POU6F2: variants seen among roughly 807,000 people sequenced by gnomAD.
The protein encoded by POU6F2 is POU domain, class 6, transcription factor 2.
Under a neutral mutation model 71.3 loss-of-function variants are expected in POU6F2, and 31 were observed. That is an observed-to-expected ratio of 0.43 (90% CI 0.33 to 0.59). The LOEUF is 0.59. Ranked by LOEUF, POU6F2 falls within the 20% of genes least tolerant of loss-of-function variation. The pLI, the probability that POU6F2 is intolerant of heterozygous loss-of-function variation, is 0.04. For synonymous variants in POU6F2, 347 were observed against 355.7 expected (o/e 0.98, Z 0.27); for missense variants, 783 against 856.8 (o/e 0.91, Z 1.07).
rs1254604846 is a variant in POU6F2, at chr7:39,467,599, CTTG to C, written c.*2916_*2918del. ...ATGACAGTGGATATTACATTTTACA[CTTG>C]TTTATAGATTTTCTTTCTTTTTCAA... On this transcript the variant is annotated 3_prime_UTR_variant, in exon 10 of 10. Transcript: ENST00000518318. The C allele has an allele frequency of 1.3e-5, 2 of 152,186 alleles. No individual in the cohort carries two copies. The highest frequency in any genetic ancestry group is 4.8e-5 in the African/African-American group (2 of 41,448). The allele number at this position is 152,186 out of a possible 1,614,324, so 9.4% of individuals were successfully genotyped here.
chr7:39,152,859 C>A (rs1472034974), intron 2 of POU6F2, among the ~76,000 whole-genome samples: 1 of 152,178 alleles, frequency 6.6e-6, no homozygotes, highest in Non-Finnish European at 1.5e-5. Flanking sequence ...GGAAAGCTGA[C>A]AACTTGATAA....
intron 2 of POU6F2, among the ~76,000 whole-genome samples, chr7:39,191,225 G>A (rs375763158): frequency 1.3e-5 from 2 of 152,290 alleles, no homozygotes; most frequent in African/African-American, 4.8e-5. Context: ...TTAGCGGCAT[G>A]TCATGGTTTA....
At chr7:39,001,541 G>A (rs73369773) in intron 1 of POU6F2, among the ~76,000 whole-genome samples, 3,538 of 152,254 alleles carry the variant, frequency 0.023, 145 homozygotes, top group African/African-American at 0.082. Flanking sequence ...TATGATTGAG[G>A]ATGGGAAATC....
chr7:39,460,790 T>C lies in POU6F2; in HGVS notation c.1658+75T>C. On this transcript the variant is annotated intron_variant, in intron 9 of 9. Transcript: ENST00000518318. The surrounding 1 kb of genome is among the most constrained non-coding windows in gnomAD (Gnocchi z 4.4). ...TTTGTCCTCGCGGTTCAGCTTTTCT[T>C]CGTCGGGTGGGCAAAGCTGGAGGGG... The C allele has an allele frequency of 7.0e-7, 1 of 1,428,062 alleles. No individual in the cohort carries two copies. Among genetic ancestry groups the C allele is most frequent in the South Asian group, 1.6e-5 (1 of 63,432 alleles). The allele number at this position is 1,428,062 out of a possible 1,614,324, so 88.5% of individuals were successfully genotyped here.
intron 6 of POU6F2, among the ~76,000 whole-genome samples, chr7:39,411,663 T>A (rs554444795): frequency 6.6e-6 from 1 of 152,266 alleles, no homozygotes; most frequent in Non-Finnish European, 1.5e-5. Context: ...TTTGGTGAGA[T>A]TTGGAAGGAT....
intron 1 of POU6F2, among the ~76,000 whole-genome samples, chr7:39,054,355 T>A (rs12531789): frequency 0.26 from 38,826 of 151,966 alleles, 5,125 homozygotes; most frequent in South Asian, 0.39. Context: ...GGCAGCGTAA[T>A]TGCTCCTATT....
chr7:39,450,357 A>G (rs1159731959), intron 7 of POU6F2, among the ~76,000 whole-genome samples: 1 of 152,314 alleles, frequency 6.6e-6, no homozygotes, highest in East Asian at 1.9e-4. Context: ...ATATGAAAGC[A>G]CTTTACAAAC....
intron 4 of POU6F2, among the ~76,000 whole-genome samples, chr7:39,284,768 T>G (rs1486505694): frequency 6.6e-6 from 1 of 152,230 alleles, no homozygotes; most frequent in Non-Finnish European, 1.5e-5. Context: ...AAGAAATGGC[T>G]TTTCTTCCTA....
intron 8 of POU6F2, among the ~76,000 whole-genome samples, chr7:39,452,949 G>A (rs2299121): frequency 0.33 from 50,106 of 151,964 alleles, 9,112 homozygotes; most frequent in East Asian, 0.58. Context: ...AAAATTAGCC[G>A]GGCGTGGTGG....
At chr7:39,005,378 C>T (rs1324858968) in intron 1 of POU6F2, among the ~76,000 whole-genome samples, 1 of 152,086 alleles carries the variant, frequency 6.6e-6, no homozygotes, top group Non-Finnish European at 1.5e-5. Flanking sequence ...TTCACGAATG[C>T]AGCCGACAAC....
chr7:39,354,834 G>GATGATTTT (rs1786220574), intron 5 of POU6F2, among the ~76,000 whole-genome samples: 1 of 152,192 alleles, frequency 6.6e-6, no homozygotes, highest in African/African-American at 2.4e-5. Flanking sequence ...AGCCTTTCCT[G>GATGATTTT]AAGGAAATCA....
At chr7:39,227,689 G>A (rs7799983) in intron 4 of POU6F2, among the ~76,000 whole-genome samples, 30,878 of 151,846 alleles carry the variant, frequency 0.2, 3,411 homozygotes, top group South Asian at 0.34. Context: ...CGAGTAGCTG[G>A]GGCTACAGGC....
At chr7:39,179,537 A>ACG (rs1793397491) in intron 2 of POU6F2, among the ~76,000 whole-genome samples, 1 of 152,220 alleles carries the variant, frequency 6.6e-6, no homozygotes, top group South Asian at 2.1e-4. Flanking sequence ...ATGCGCGCAC[A>ACG]CACACACACA....
chr7:39,313,645 G>C (rs1159055201), intron 4 of POU6F2, among the ~76,000 whole-genome samples: 1 of 151,978 alleles, frequency 6.6e-6, no homozygotes, highest in Non-Finnish European at 1.5e-5. Flanking sequence ...GAACCTAGAG[G>C]GTAATAGCAG....
intron 4 of POU6F2, among the ~76,000 whole-genome samples, chr7:39,228,717 G>A (rs1047184614): frequency 6.6e-6 from 1 of 152,146 alleles, no homozygotes; most frequent in African/African-American, 2.4e-5. Flanking sequence ...GTAAGTAGTC[G>A]CAAATGAATC....
intron 1 of POU6F2, among the ~76,000 whole-genome samples, chr7:39,035,721 C>CT (rs113214528): frequency 0.027 from 3,934 of 145,262 alleles, 169 homozygotes; most frequent in African/African-American, 0.093. Flanking sequence ...CTACTTGGTG[C>CT]TTTTTTTTTT....
At chr7:39,363,001 A>G (rs1583551443) in intron 5 of POU6F2, among the ~76,000 whole-genome samples, 1 of 152,196 alleles carries the variant, frequency 6.6e-6, no homozygotes, top group Admixed American at 6.5e-5. Context: ...TGGGTCTTGC[A>G]GGCCACTGTA....
At chr7:39,121,435 G>A (rs2128727627) in intron 2 of POU6F2, among the ~76,000 whole-genome samples, 1 of 152,294 alleles carries the variant, frequency 6.6e-6, no homozygotes, top group African/African-American at 2.4e-5. Context: ...TCCTTTGCCA[G>A]GTGGCACAAT....
Position 39,191,643 on chromosome 7 carries a change from G to A in POU6F2, c.278-12592G>A, listed in dbSNP as rs181945784. ...TAATGATAAAAAATAATCTGAACAA[G>A]TTCTGTGGAGCTTTTGTTCTATTTG... On this transcript the variant is annotated intron_variant, in intron 2 of 9. Transcript: ENST00000518318. Among the ~76,000 whole-genome samples, 40 of 152,296 alleles carry A rather than the reference G, an allele frequency of 2.6e-4. No homozygotes were observed. The East Asian group carries it at 7.5e-3, about 29-fold the overall frequency.
Sources: gnomAD v4.1 joint callset for allele counts (sites outside exome capture counted in the v4.1 genomes callset) on GRCh38, gnomAD v4.1.1 for gene constraint, Gnocchi (gnomAD v3.1) non-coding constraint, MANE v1.5 for transcripts, NCBI Gene and HGNC (gene_info 2026-07-23, HGNC 2026-07-21) for gene names.